The following CCBE1 variants were observed in gnomAD, a reference collection of about 807,000 sequenced individuals.
CCBE1 encodes collagen and calcium-binding EGF domain-containing protein 1.
CCBE1 carries 37 observed loss-of-function variants against 50.0 expected under a neutral mutation model. The ratio of observed to expected loss-of-function variants is 0.74; its 90% CI spans 0.57 to 0.97. The LOEUF (loss-of-function observed/expected upper bound fraction) is 0.97. Among genes scored for constraint, CCBE1 ranks in the 50% least tolerant of loss-of-function variants. CCBE1 has a pLI of 0.00. For synonymous variants in CCBE1, 234 were observed against 203.7 expected (o/e 1.15, Z -1.27); for missense variants, 538 against 523.8 (o/e 1.03, Z -0.26).
At chr18:59,571,788 C>T (rs955379164) in intron 2 of CCBE1, among the ~76,000 whole-genome samples, 2 of 152,152 alleles carry the variant, frequency 1.3e-5, no homozygotes, top group Non-Finnish European at 2.9e-5. Flanking sequence ...AAGAGTCATT[C>T]TCTCAAAGTA....
At position 59,448,156 on chromosome 18, in the gene CCBE1, C is replaced by T. The variant is rs565982809; in HGVS notation, c.655-53G>A. 27 of 1,609,960 alleles carry T rather than the reference C, an allele frequency of 1.7e-5. No homozygotes were observed. In the East Asian group the frequency reaches 2.0e-4, roughly 12 times the overall value. On this transcript the variant is annotated intron_variant, in intron 6 of 10. Coordinates refer to ENST00000439986, the MANE Select transcript of CCBE1 (RefSeq NM_133459.4). Reference sequence around the variant, plus strand: ...AGGAAGCAATGGCAGAAGAGAGCCTCGGCATTTGTCTTGGTGGGAGAAGCT... The same window carrying T: ...AGGAAGCAATGGCAGAAGAGAGCCTTGGCATTTGTCTTGGTGGGAGAAGCT...
chr18:59,531,630 C>T (rs1042732498), intron 2 of CCBE1, among the ~76,000 whole-genome samples: 6 of 152,050 alleles, frequency 3.9e-5, no homozygotes, highest in African/African-American at 1.4e-4. Flanking sequence ...TGTCTTTCGT[C>T]CCAGATAATT....
intron 2 of CCBE1, among the ~76,000 whole-genome samples, chr18:59,500,595 G>A (rs1444487): frequency 0.021 from 3,226 of 152,292 alleles, 48 homozygotes; most frequent in Non-Finnish European, 0.032. Flanking sequence ...TTAATGAGGA[G>A]CTCTGCCTAG....
In CCBE1 at chr18:59,489,908, A is replaced by T. The variant is rs557544609; in HGVS notation, c.213-9670T>A. ...ACATAAGGAAAAAATGTAACAAATTAAAAAAGGCTTGATATTACCTTTGTA... is the reference window on the plus strand; with the variant it reads ...ACATAAGGAAAAAATGTAACAAATTTAAAAAGGCTTGATATTACCTTTGTA... On this transcript the variant is annotated intron_variant, in intron 2 of 10. Coordinates refer to ENST00000439986, the MANE Select transcript of CCBE1 (RefSeq NM_133459.4). Among the ~76,000 whole-genome samples, 27 of 152,330 alleles carry T rather than the reference A, an allele frequency of 1.8e-4. No homozygotes were observed. In the South Asian group the frequency reaches 4.8e-3, roughly 27 times the overall value.
chr18:59,437,301 AC>A lies in CCBE1; in HGVS notation c.987+809del, dbSNP rs1487169002. On this transcript the variant is annotated intron_variant, in intron 10 of 10. Coordinates refer to ENST00000439986, the MANE Select transcript of CCBE1 (RefSeq NM_133459.4). ...CGCAACTGCTGCTACAGCAGCGGGC[AC>A]CGTGGAAGCAGAGCTTACACCGTAA... 3.9e-5 allele frequency among the ~76,000 whole-genome samples: 6 copies of A among 152,320 alleles called. No individual in the cohort carries two copies. The East Asian group carries it at 9.7e-4, about 25-fold the overall frequency.
At chr18:59,654,284 C>T (rs1370656286) in intron 2 of CCBE1, among the ~76,000 whole-genome samples, 1 of 152,112 alleles carries the variant, frequency 6.6e-6, no homozygotes, top group Non-Finnish European at 1.5e-5. Flanking sequence ...CTACCCAGCA[C>T]AGGTTTTGTT....
chr18:59,576,262 A>T (rs1302159923), intron 2 of CCBE1, among the ~76,000 whole-genome samples: 1 of 152,182 alleles, frequency 6.6e-6, no homozygotes, highest in Non-Finnish European at 1.5e-5. Flanking sequence ...GTGTGAACAA[A>T]TGTTTTCATT....
intron 2 of CCBE1, among the ~76,000 whole-genome samples, chr18:59,514,950 C>G (rs1914304982): frequency 6.6e-6 from 1 of 152,166 alleles, no homozygotes; most frequent in East Asian, 1.9e-4. Context: ...GGTTCCGACA[C>G]ACATGGTTTT....
At chr18:59,649,023 C>A (rs2054092530) in intron 2 of CCBE1, among the ~76,000 whole-genome samples, 1 of 152,218 alleles carries the variant, frequency 6.6e-6, no homozygotes. Flanking sequence ...CATTTAAACA[C>A]AGGGAAAGGG....
chr18:59,559,403 C>T (rs1160196131), intron 2 of CCBE1, among the ~76,000 whole-genome samples: 1 of 152,162 alleles, frequency 6.6e-6, no homozygotes, highest in East Asian at 1.9e-4. Flanking sequence ...CCCAGAGGCC[C>T]CCTACTGTGG....
intron 3 of CCBE1, among the ~76,000 whole-genome samples, chr18:59,477,814 T>C (rs1009728262): frequency 6.6e-6 from 1 of 152,178 alleles, no homozygotes; most frequent in Non-Finnish European, 1.5e-5. Flanking sequence ...AACTTTGTTA[T>C]TGCCTTTATC....
Position 59,562,611 on chromosome 18 carries a change from T to C in CCBE1, c.213-82373A>G, listed in dbSNP as rs560308099. On this transcript the variant is annotated intron_variant, in intron 2 of 10. Coordinates refer to ENST00000439986, the MANE Select transcript of CCBE1 (RefSeq NM_133459.4). The stretch of plus-strand genomic sequence containing the variant: ...AGGGGATGTGCACACGCGTACGTTC[T>C]GGCCGGAATCCAGGTGTTTTTCCCA... 5.9e-4 allele frequency among the ~76,000 whole-genome samples: 90 copies of C among 152,368 alleles called. 1 individual carries two copies. The highest frequency in any genetic ancestry group is 2.0e-3 in the African/African-American group (83 of 41,606).
intron 2 of CCBE1, among the ~76,000 whole-genome samples, chr18:59,522,727 C>T (rs1311151751): frequency 5.3e-5 from 8 of 152,114 alleles, no homozygotes; most frequent in Non-Finnish European, 8.8e-5. Context: ...CAGTGGCTCA[C>T]GCCTGTAATC....
At chr18:59,514,815 G>GT (rs1056826594) in intron 2 of CCBE1, among the ~76,000 whole-genome samples, 8 of 150,952 alleles carry the variant, frequency 5.3e-5, no homozygotes, top group East Asian at 3.9e-4. Context: ...CACATTTTAA[G>GT]TTTTTTTTTG....
At chr18:59,449,989 C>A (rs1910856037) in intron 6 of CCBE1, among the ~76,000 whole-genome samples, 2 of 152,180 alleles carry the variant, frequency 1.3e-5, no homozygotes, top group Admixed American at 1.3e-4. Context: ...AGAATGAAGG[C>A]ACTGGCACTT....
At chr18:59,511,924 C>T (rs549344094) in intron 2 of CCBE1, among the ~76,000 whole-genome samples, 16 of 152,322 alleles carry the variant, frequency 1.1e-4, no homozygotes, top group South Asian at 2.1e-4. Context: ...TTTCATGAGA[C>T]GGAGAAAATG....
At chr18:59,666,750 A>AG (rs1307062460) in intron 2 of CCBE1, among the ~76,000 whole-genome samples, 2 of 152,086 alleles carry the variant, frequency 1.3e-5, no homozygotes, top group African/African-American at 4.8e-5. Flanking sequence ...ATGGATCATG[A>AG]GGTCAGGGGA....
intron 2 of CCBE1, among the ~76,000 whole-genome samples, chr18:59,537,366 C>T (rs958183721): frequency 1.3e-5 from 2 of 152,104 alleles, no homozygotes; most frequent in African/African-American, 2.4e-5. Flanking sequence ...TCTCATAATT[C>T]CCACGTGTTG....
chr18:59,681,578 C>A (rs2054588788), intron 2 of CCBE1, among the ~76,000 whole-genome samples: 1 of 152,180 alleles, frequency 6.6e-6, no homozygotes, highest in Admixed American at 6.5e-5. Context: ...TGGCACAGCA[C>A]ATGTTCAAAG....
Sources: allele counts gnomAD v4.1 joint callset (sites outside exome capture counted in the v4.1 genomes callset), GRCh38; gene constraint gnomAD v4.1.1; transcripts MANE v1.5; gene names NCBI Gene and HGNC (gene_info 2026-07-23, HGNC 2026-07-21).